The following SREK1 variants were observed in gnomAD, a reference collection of about 807,000 sequenced individuals.
SREK1 encodes splicing regulatory glutamine/lysine-rich protein 1.
In SREK1, 13 loss-of-function variants were observed where a neutral mutation model predicts 66.5. The ratio of observed to expected loss-of-function variants is 0.20; its 90% confidence interval spans 0.13 to 0.31. The LOEUF is 0.31. SREK1 is among the 10% of genes least tolerant of loss of function. SREK1 has a pLI of 1.00. For missense variants in SREK1, 607 were observed against 769.6 expected (o/e 0.79, Z 2.50); for synonymous variants, 265 against 263.5 (o/e 1.01, Z -0.05).
At chr5:66,176,365 C>G (rs529593066) in intron 10 of SREK1, among the ~76,000 whole-genome samples, 1 of 152,092 alleles carries the variant, frequency 6.6e-6, no homozygotes, top group Non-Finnish European at 1.5e-5. Flanking sequence ...AAGGCCTGTT[C>G]TCTATACCCC....
chr5:66,154,525 T>G (rs1744115557), intron 2 of SREK1, among the ~76,000 whole-genome samples: 1 of 152,224 alleles, frequency 6.6e-6, no homozygotes, highest in African/African-American at 2.4e-5. Context: ...TGGGCTTTCA[T>G]ATGTAATTTT....
At chr5:66,175,813 AT>A (rs1746011509) in intron 10 of SREK1, among the ~76,000 whole-genome samples, 1 of 151,824 alleles carries the variant, frequency 6.6e-6, no homozygotes, top group Non-Finnish European at 1.5e-5. Context: ...TTCCTTTTCT[AT>A]TTCCAAGAAC....
At chr5:66,146,001 T>G (rs1340499150) in intron 1 of SREK1, among the ~76,000 whole-genome samples, 1 of 151,972 alleles carries the variant, frequency 6.6e-6, no homozygotes, top group Non-Finnish European at 1.5e-5. Context: ...TGTGTATATA[T>G]ATATCTTTAT....
At chr5:66,176,228 G>T (rs1746043708) in intron 10 of SREK1, among the ~76,000 whole-genome samples, 1 of 152,046 alleles carries the variant, frequency 6.6e-6, no homozygotes, top group South Asian at 2.1e-4. Context: ...CATGTGCTGT[G>T]TTTTTCTGTG....
At chr5:66,164,381 A>G (rs748273540) in intron 6 of SREK1, 19 of 340,126 alleles carry the variant, frequency 5.6e-5, no homozygotes, top group Non-Finnish European at 8.8e-5. Flanking sequence ...TTGCTAATGA[A>G]AATAATTAAA....
intron 11 of SREK1, 60 bp from the exon 12 acceptor site, chr5:66,178,659 C>G: frequency 7.0e-7 from 1 of 1,427,270 alleles, no homozygotes; most frequent in Non-Finnish European, 9.3e-7. Flanking sequence ...ACATTTTTGT[C>G]GTCATAGCAG....
At position 66,181,704 on chromosome 5, in the gene SREK1, T is replaced by TA. The variant is rs1746499838; in HGVS notation, c.*2837dup. ...CTTTTAAATCCTGAAGTTCTGCAGT[T>TA]ATCATCTTAGTTATTTTCTATCTAA... On this transcript the variant is annotated 3_prime_UTR_variant, in exon 12 of 12. Transcript: ENST00000334121. 2 of 152,292 alleles carry TA rather than the reference T, an allele frequency of 1.3e-5. No individual in the cohort carries two copies. The highest frequency in any genetic ancestry group is 6.5e-5 in the Admixed American group (1 of 15,290). 9.4% of individuals were successfully genotyped at this position (152,292 alleles called of 1,614,324 possible). A position where few individuals can be genotyped will look rare whatever the true frequency, so the allele number is the denominator to read the frequency against.
Position 66,183,190 on chromosome 5 carries a change from A to G in SREK1, c.*4322A>G, listed in dbSNP as rs1428598148. On this transcript the variant is annotated 3_prime_UTR_variant, in exon 12 of 12. Coordinates refer to ENST00000334121, the MANE Select transcript of SREK1 (RefSeq NM_001077199.3). The stretch of plus-strand genomic sequence containing the variant: ...TTGGTATGGAGGAGTAGTACCTTCT[A>G]TTCTTGGTTTATTTTTATTTGCTAG... 6.6e-6 allele frequency: 1 copy of G among 152,154 alleles called. No homozygotes were observed. The highest frequency in any genetic ancestry group is 1.9e-4 in the East Asian group (1 of 5,196). 9.4% of individuals were successfully genotyped at this position (152,154 alleles called of 1,614,324 possible).
intron 1 of SREK1, among the ~76,000 whole-genome samples, chr5:66,145,994 GTA>G (rs1165214704): frequency 5.9e-5 from 9 of 151,450 alleles, no homozygotes; most frequent in Admixed American, 5.3e-4. Context: ...AGAGATATGT[GTA>G]TATATATATC....
intron 2 of SREK1, among the ~76,000 whole-genome samples, chr5:66,154,861 G>A (rs574103518): frequency 2.0e-5 from 3 of 152,272 alleles, no homozygotes; most frequent in East Asian, 1.9e-4. Flanking sequence ...AATTGGTGAG[G>A]TGGGAAAGGA....
At position 66,177,668 on chromosome 5, in the gene SREK1, A is replaced by G. The variant is rs1746170903; in HGVS notation, c.1725+10A>G. 6.3e-7 allele frequency: 1 copy of G among 1,583,070 alleles called. No individual in the cohort carries two copies. On this transcript the variant is annotated intron_variant, in intron 11 of 11. Transcript: ENST00000334121. ...CAGTACTTCACTTAAAGTAAGCAGC[A>G]GTCATTCGGTGTCTGGCACTTGAAA...
intron 3 of SREK1, 93 bp downstream of exon 3, chr5:66,159,427 CTTCTTTT>C: frequency 2.3e-6 from 2 of 871,096 alleles, no homozygotes; most frequent in South Asian, 3.7e-5. Flanking sequence ...TTTGGATCTT[CTTCTTTT>C]TTTTTTTTTT....
rs1438908002 is a variant in SREK1 at position 66,179,871 on chromosome 5, G to A, written c.*1003G>A. The A allele has an allele frequency of 6.6e-6, 1 of 152,544 alleles. No individual in the cohort carries two copies. The highest frequency in any genetic ancestry group is 1.5e-5 in the Non-Finnish European group (1 of 67,984). The allele number at this position is 152,544 out of a possible 1,614,324, so 9.4% of individuals were successfully genotyped here. A position where few individuals can be genotyped will look rare whatever the true frequency, so the allele number is the denominator to read the frequency against. On this transcript the variant is annotated 3_prime_UTR_variant, in exon 12 of 12. Coordinates refer to ENST00000334121, the MANE Select transcript of SREK1 (RefSeq NM_001077199.3). ...TGCATACCCATAGAGAAGTGTGTAA[G>A]TGATATGTCAGAAGAGCTTCTTACT...
At chr5:66,171,021 G>GAA (rs1167867569) in intron 9 of SREK1, 74 bp downstream of exon 9, 24 of 1,522,016 alleles carry the variant, frequency 1.6e-5, no homozygotes, top group Non-Finnish European at 1.8e-5. Context: ...TACGGAGGGA[G>GAA]AAAAGGTTAC....
chr5:66,153,014 CTCTT>C (rs1196073249), intron 1 of SREK1, among the ~76,000 whole-genome samples: 1 of 152,172 alleles, frequency 6.6e-6, no homozygotes, highest in Non-Finnish European at 1.5e-5. Context: ...TACTACCTGA[CTCTT>C]TCTAAGACTG....
intron 1 of SREK1, among the ~76,000 whole-genome samples, chr5:66,152,826 T>G (rs906481968): frequency 6.6e-6 from 1 of 152,254 alleles, no homozygotes; most frequent in Non-Finnish European, 1.5e-5. Context: ...TCCTTTCATT[T>G]GTGCTTTGTC....
intron 2 of SREK1, chr5:66,157,777 A>G: frequency 1.1e-6 from 1 of 886,956 alleles, no homozygotes. Context: ...AAAGGTAGAA[A>G]ATAGTAGGTT....
chr5:66,158,640 ATAGG>A (rs1187848461), intron 2 of SREK1: 4 of 381,252 alleles, frequency 1.0e-5, no homozygotes, highest in Non-Finnish European at 1.8e-5. Context: ...TGCATCACAA[ATAGG>A]TAGTTTCAGT....
chr5:66,148,322 T>C (rs1743446312), intron 1 of SREK1, among the ~76,000 whole-genome samples: 1 of 149,980 alleles, frequency 6.7e-6, no homozygotes, highest in Non-Finnish European at 1.5e-5. Context: ...TGTATTAATG[T>C]ACTGATAAAA....
Sources: gnomAD v4.1 joint callset for allele counts (sites outside exome capture counted in the v4.1 genomes callset) on GRCh38, gnomAD v4.1.1 for gene constraint, MANE v1.5 for transcripts, NCBI Gene and HGNC (gene_info 2026-07-23, HGNC 2026-07-21) for gene names.